The following PAN3 variants were observed in gnomAD, a reference collection of about 807,000 sequenced individuals.
The protein encoded by PAN3 is poly(A) specific ribonuclease subunit PAN3.
Under a neutral mutation model 96.2 loss-of-function variants are expected in PAN3, and 19 were observed. That is an observed-to-expected ratio of 0.20 (90% CI 0.14 to 0.29). PAN3 has a LOEUF of 0.29. Ranked by LOEUF, PAN3 falls within the 10% of genes least tolerant of loss-of-function variation. PAN3 has a pLI of 1.00. For missense variants in PAN3, 882 were observed against 1,108.1 expected, an observed-to-expected ratio of 0.80 and a Z score of 2.90; for synonymous variants, 433 against 406.6, an observed-to-expected ratio of 1.06 and a Z score of -0.78.
chr13:28,290,719 C>G (rs2138770712), intron 18 of PAN3, among the ~76,000 whole-genome samples: 1 of 152,234 alleles, frequency 6.6e-6, no homozygotes, highest in Non-Finnish European at 1.5e-5. Flanking sequence ...CTATATGTAT[C>G]ATTGAACTAA....
chr13:28,288,214 C>G, intron 18 of PAN3, 92 bp downstream of exon 18: 2 of 1,165,178 alleles, frequency 1.7e-6, no homozygotes, highest in Non-Finnish European at 2.4e-6. Context: ...CTTAAGAAAT[C>G]AGGATGTACT....
chr13:28,199,599 A>G (rs1878462589), intron 5 of PAN3, among the ~76,000 whole-genome samples: 1 of 152,054 alleles, frequency 6.6e-6, no homozygotes, highest in Non-Finnish European at 1.5e-5. Context: ...TCTCGTCTCT[A>G]TTACTGTCTG....
chr13:28,233,599 C>T (rs931180249), intron 6 of PAN3, among the ~76,000 whole-genome samples: 1 of 152,002 alleles, frequency 6.6e-6, no homozygotes. Flanking sequence ...AGAATTGTGG[C>T]TTATTTTGTT....
At chr13:28,207,505 A>G (rs1205470553) in intron 5 of PAN3, among the ~76,000 whole-genome samples, 1 of 152,124 alleles carries the variant, frequency 6.6e-6, no homozygotes, top group Admixed American at 6.5e-5. Context: ...CTATTGAACT[A>G]TTTGTGGTAC....
At position 28,263,687 on chromosome 13, in the gene PAN3, A is replaced by G. The variant is rs562346611; in HGVS notation, c.1411+2229A>G. Among the ~76,000 whole-genome samples, 35 of 152,326 alleles carry G rather than the reference A, an allele frequency of 2.3e-4. 1 individual carries two copies. Among genetic ancestry groups the G allele is most frequent in the Admixed American group, 1.3e-3 (20 of 15,300 alleles). ...TAAAATTGGGTCATTATCTCAAGCC[A>G]CATTAAAAAGTCAACTTCAAATAGA... is the stretch of plus-strand genomic sequence containing the variant. On this transcript the variant is annotated intron_variant, in intron 9 of 18. Transcript: ENST00000380958.
At chr13:28,183,448 G>A (rs746121041) in intron 4 of PAN3, among the ~76,000 whole-genome samples, 1 of 152,162 alleles carries the variant, frequency 6.6e-6, no homozygotes, top group African/African-American at 2.4e-5. Flanking sequence ...ACCTCCGCTT[G>A]TCAAGATGGA....
At chr13:28,160,980 G>T (rs1309487466) in intron 1 of PAN3, among the ~76,000 whole-genome samples, 1 of 152,114 alleles carries the variant, frequency 6.6e-6, no homozygotes, top group South Asian at 2.1e-4. Context: ...TAATTTCTTC[G>T]AATAGTTTAG....
At chr13:28,215,061 T>A (rs1186348679) in intron 5 of PAN3, 1 of 1,035,044 alleles carries the variant, frequency 9.7e-7, no homozygotes, top group Non-Finnish European at 1.5e-6. Flanking sequence ...TAAAATTGGC[T>A]ACAATCCTGA....
chr13:28,276,190 C>T (rs1328075131), intron 14 of PAN3, among the ~76,000 whole-genome samples: 1 of 152,110 alleles, frequency 6.6e-6, no homozygotes, highest in Non-Finnish European at 1.5e-5. Context: ...GGGATGGCTA[C>T]TGCTGATTTT....
At chr13:28,268,481 T>G (rs1593603995) in intron 12 of PAN3, among the ~76,000 whole-genome samples, 1 of 152,166 alleles carries the variant, frequency 6.6e-6, no homozygotes. Flanking sequence ...AATATATACT[T>G]AAAGAATTGT....
chr13:28,252,349 G>A (rs1884809113), intron 6 of PAN3, among the ~76,000 whole-genome samples: 1 of 151,754 alleles, frequency 6.6e-6, no homozygotes, highest in Non-Finnish European at 1.5e-5. Context: ...TGTCCTAACT[G>A]GTTGGTTGTA....
At chr13:28,208,873 G>A (rs1018204630) in intron 5 of PAN3, among the ~76,000 whole-genome samples, 1 of 152,134 alleles carries the variant, frequency 6.6e-6, no homozygotes, top group Non-Finnish European at 1.5e-5. Flanking sequence ...AAAGGGAATG[G>A]TGTAAGTGGT....
intron 6 of PAN3, among the ~76,000 whole-genome samples, chr13:28,250,619 G>A (rs1466201913): frequency 1.3e-5 from 2 of 151,990 alleles, no homozygotes; most frequent in African/African-American, 4.8e-5. Context: ...CACCCGCCTC[G>A]GCCTCCCAAA....
chr13:28,236,495 T>C (rs889121930), intron 6 of PAN3, among the ~76,000 whole-genome samples: 2 of 152,134 alleles, frequency 1.3e-5, no homozygotes, highest in African/African-American at 4.8e-5. Flanking sequence ...GTAAATTTTA[T>C]CTGATTTGAA....
Position 28,267,948 on chromosome 13 carries a change from A to G in PAN3, c.1792+547A>G, listed in dbSNP as rs542628803. ...GAGATGATGGTCAAGAAGTTAGGAA[A>G]TAATGTCTTTTGCATATTTACTAAG... On this transcript the variant is annotated intron_variant, in intron 12 of 18. Coordinates refer to ENST00000380958, the MANE Select transcript of PAN3 (RefSeq NM_175854.8). Among the ~76,000 whole-genome samples, 11 of 152,348 alleles carry G rather than the reference A, an allele frequency of 7.2e-5. No individual in the cohort carries two copies. The South Asian group carries it at 2.3e-3, about 32-fold the overall frequency.
chr13:28,266,973 T>A (rs1484048798), intron 10 of PAN3, 97 bp downstream of exon 10: 2 of 1,282,980 alleles, frequency 1.6e-6, no homozygotes, highest in African/African-American at 3.0e-5. Flanking sequence ...GAATTAAAAA[T>A]TTTTATTTGG....
rs1004070004 is a variant in PAN3, at chr13:28,291,557, C to T, written c.2524-825C>T. Among the ~76,000 whole-genome samples, 11 of 152,242 alleles carry T rather than the reference C, an allele frequency of 7.2e-5. 1 individual carries two copies. Among genetic ancestry groups the T allele is most frequent in the Middle Eastern group, 6.8e-3 (2 of 294 alleles). On this transcript the variant is annotated intron_variant, in intron 18 of 18. Coordinates refer to ENST00000380958, the MANE Select transcript of PAN3 (RefSeq NM_175854.8). ...AAAATCTTATAAATTAGGCTGGGCA[C>T]GGTGGCTCACACCTGTAATCCCAGT...
At chr13:28,147,370 A>C (rs529724444) in intron 1 of PAN3, among the ~76,000 whole-genome samples, 4 of 152,288 alleles carry the variant, frequency 2.6e-5, no homozygotes, top group African/African-American at 9.6e-5. Flanking sequence ...CAGGCATTAA[A>C]CGCATTTTTG....
intron 4 of PAN3, among the ~76,000 whole-genome samples, chr13:28,195,983 G>C (rs967826730): frequency 6.6e-6 from 1 of 151,194 alleles, no homozygotes; most frequent in African/African-American, 2.4e-5. Context: ...CTTTATACTA[G>C]AAAACATTAT....
Sources: gnomAD v4.1 joint callset for allele counts (sites outside exome capture counted in the v4.1 genomes callset) on GRCh38, gnomAD v4.1.1 for gene constraint, MANE v1.5 for transcripts, NCBI Gene and HGNC (gene_info 2026-07-23, HGNC 2026-07-21) for gene names.